The following TENM3 variants were observed in gnomAD, a reference collection of about 807,000 sequenced individuals.
The protein encoded by TENM3 is teneurin-3.
In TENM3, 63 loss-of-function variants were observed where a neutral mutation model predicts 255.1. That is an observed-to-expected ratio of 0.25 (90% CI 0.20 to 0.30). The LOEUF (loss-of-function observed/expected upper bound fraction) is 0.30, where lower values mean the gene tolerates loss of function less well. Among genes scored for constraint, TENM3 ranks in the 10% least tolerant of loss-of-function variants. The pLI is 1.00. For missense variants in TENM3, 2,929 were observed against 3,461.1 expected, an observed-to-expected ratio of 0.85 and a Z score of 3.86; for synonymous variants, 1,306 against 1,322.3, an observed-to-expected ratio of 0.99 and a Z score of 0.27.
At chr4:181,673,730 C>T in the TENM3 span, among the ~76,000 whole-genome samples, 4 of 151,916 alleles carry the variant, frequency 2.6e-5, no homozygotes, top group Non-Finnish European at 5.9e-5. Flanking sequence ...TGTTTGTTAA[C>T]GTGGGTAGTT....
intron 3 of TENM3, among the ~76,000 whole-genome samples, chr4:182,463,656 T>A (rs1301637949): frequency 2.0e-5 from 3 of 150,352 alleles, no homozygotes; most frequent in Admixed American, 1.3e-4. Context: ...AGAGTTTTGC[T>A]CTTGCTGCCC....
chr4:181,923,117 T>G, the TENM3 span, among the ~76,000 whole-genome samples: 1 of 152,168 alleles, frequency 6.6e-6, no homozygotes, highest in African/African-American at 2.4e-5. Context: ...TTATAATTTC[T>G]GTTCTTTTAC....
At chr4:182,667,880 A>G (rs1754841251) in intron 6 of TENM3, among the ~76,000 whole-genome samples, 1 of 152,000 alleles carries the variant, frequency 6.6e-6, no homozygotes, top group South Asian at 2.1e-4. Flanking sequence ...GCACACCAAT[A>G]TGGCGCATGT....
chr4:182,025,985 C>A, the TENM3 span, among the ~76,000 whole-genome samples: 1 of 152,174 alleles, frequency 6.6e-6, no homozygotes, highest in South Asian at 2.1e-4. Flanking sequence ...AGTCCCCCAC[C>A]TCCTGACAGG....
the TENM3 span, among the ~76,000 whole-genome samples, chr4:181,920,725 C>T: frequency 6.6e-6 from 1 of 151,622 alleles, no homozygotes. Flanking sequence ...TGTGCAGAAG[C>T]TCTTTAGTTT....
the TENM3 span, among the ~76,000 whole-genome samples, chr4:182,073,918 T>A: frequency 1.3e-5 from 2 of 152,218 alleles, no homozygotes; most frequent in African/African-American, 2.4e-5. Flanking sequence ...CAAGATCATC[T>A]ACTTTAACCC....
the TENM3 span, among the ~76,000 whole-genome samples, chr4:181,507,654 T>C: frequency 6.6e-6 from 1 of 152,208 alleles, no homozygotes; most frequent in South Asian, 2.1e-4. Flanking sequence ...CACATGTTGC[T>C]TAACAGCCTG....
rs571447013 is a variant in TENM3 at position 182,408,225 on chromosome 4, C to A, written c.511+61296C>A. ...TCATTGCAAGAATAGACATAAATAT[C>A]AACTTAGTTGTATTTAAACTTTTTC... On this transcript the variant is annotated intron_variant, in intron 3 of 27. Coordinates refer to ENST00000511685, the MANE Select transcript of TENM3 (RefSeq NM_001080477.4). 3.3e-5 allele frequency among the ~76,000 whole-genome samples: 5 copies of A among 152,264 alleles called. No individual in the cohort carries two copies. In the East Asian group the frequency reaches 5.8e-4, roughly 18 times the overall value.
intron 4 of TENM3, among the ~76,000 whole-genome samples, chr4:182,625,134 C>T (rs187854916): frequency 1.0e-3 from 157 of 152,180 alleles, no homozygotes; most frequent in African/African-American, 3.5e-3. Flanking sequence ...TTAATGAAGC[C>T]GACAGAATGG....
chr4:182,515,994 G>T (rs547137842), intron 3 of TENM3, among the ~76,000 whole-genome samples: 2 of 152,308 alleles, frequency 1.3e-5, no homozygotes, highest in Admixed American at 6.5e-5. Flanking sequence ...ACAGCAAAAA[G>T]TTTATTGTTG....
At chr4:181,501,902 A>G in the TENM3 span, among the ~76,000 whole-genome samples, 53,783 of 152,016 alleles carry the variant, frequency 0.35, 10,163 homozygotes, top group East Asian at 0.45. Context: ...GAGCCGGGAC[A>G]TAAGTCAGGA....
At chr4:181,877,355 T>A in the TENM3 span, among the ~76,000 whole-genome samples, 23 of 152,310 alleles carry the variant, frequency 1.5e-4, no homozygotes, top group African/African-American at 5.3e-4. Context: ...ATATAAAAAA[T>A]AAGGGTGGAA....
At position 182,324,262 on chromosome 4, in the gene TENM3, T is replaced by C; in HGVS notation, c.232+10T>C. ...GAGTTCACTAGACAAGGTGGGTAACTGTCCTAGTAAAATAAGGCAATGCTC... is the reference window on the plus strand; with the variant it reads ...GAGTTCACTAGACAAGGTGGGTAACCGTCCTAGTAAAATAAGGCAATGCTC... On this transcript the variant is annotated intron_variant, in intron 2 of 27. Transcript: ENST00000511685. The C allele has an allele frequency of 6.3e-7, 1 of 1,594,216 alleles. No homozygotes were observed. Among genetic ancestry groups the C allele is most frequent in the South Asian group, 1.1e-5 (1 of 90,678 alleles).
the TENM3 span, among the ~76,000 whole-genome samples, chr4:181,716,764 A>G: frequency 6.6e-6 from 1 of 152,330 alleles, no homozygotes; most frequent in East Asian, 1.9e-4. Context: ...GGCTTAACTT[A>G]TGTATGCAGA....
the TENM3 span, among the ~76,000 whole-genome samples, chr4:181,510,907 C>T: frequency 1.3e-5 from 2 of 152,196 alleles, no homozygotes; most frequent in African/African-American, 4.8e-5. Context: ...TATGTAGAAG[C>T]TATATCCAGA....
intron 1 of TENM3, among the ~76,000 whole-genome samples, chr4:182,151,887 C>T (rs969068906): frequency 1.3e-5 from 2 of 151,724 alleles, no homozygotes; most frequent in Non-Finnish European, 2.9e-5. Context: ...ATGTGATGAA[C>T]TATAATATTG....
intron 4 of TENM3, among the ~76,000 whole-genome samples, chr4:182,626,172 C>T (rs1352060133): frequency 6.6e-6 from 1 of 152,132 alleles, no homozygotes; most frequent in African/African-American, 2.4e-5. Context: ...ACTCTGTGGT[C>T]CCTTACAGCA....
the TENM3 span, among the ~76,000 whole-genome samples, chr4:181,755,816 G>A: frequency 6.6e-6 from 1 of 151,912 alleles, no homozygotes; most frequent in South Asian, 2.1e-4. Flanking sequence ...AAGGTTTGTT[G>A]GGTCTTGATG....
the TENM3 span, among the ~76,000 whole-genome samples, chr4:181,674,958 C>G: frequency 6.6e-6 from 1 of 152,064 alleles, no homozygotes; most frequent in African/African-American, 2.4e-5. Flanking sequence ...TTAGCACTGT[C>G]CCATAAATCA....
Sources: gnomAD v4.1 joint callset for allele counts (sites outside exome capture counted in the v4.1 genomes callset) on GRCh38, gnomAD v4.1.1 for gene constraint, MANE v1.5 for transcripts, NCBI Gene and HGNC (gene_info 2026-07-23, HGNC 2026-07-21) for gene names.